Variants in ALKBH8 observed in about 807,000 individuals in gnomAD.
The protein encoded by ALKBH8 is tRNA (carboxymethyluridine(34)-5-O)-methyltransferase ALKBH8.
A neutral mutation model predicts 59.8 loss-of-function variants in ALKBH8; 36 were observed. That is an observed-to-expected ratio of 0.60 (90% CI 0.46 to 0.79). ALKBH8 has a LOEUF of 0.79. ALKBH8 is among the 30% of genes least tolerant of loss of function. The pLI, the probability that ALKBH8 is intolerant of heterozygous loss-of-function variation, is 0.00. For missense variants in ALKBH8, 768 were observed against 801.0 expected, an observed-to-expected ratio of 0.96 and a Z score of 0.50; for synonymous variants, 276 against 273.6, an observed-to-expected ratio of 1.01 and a Z score of -0.09.
At position 107,557,017 on chromosome 11, in the gene ALKBH8, C is replaced by A. The variant is rs78411969; in HGVS notation, c.130-14G>T. 1.4e-3 allele frequency: 2,165 copies of A among 1,504,030 alleles called. 18 individuals carry two copies. In the African/African-American group the frequency reaches 0.021, roughly 15 times the overall value. 93.2% of individuals were successfully genotyped at this position (1,504,030 alleles called of 1,614,324 possible). ...AACAACCAGGCTCTTAAAAAACAAA[C>A]AAACAAACAAAAAGAAAGTAACATG... On this transcript the variant is annotated splice_polypyrimidine_tract_variant and intron_variant, in intron 2 of 11. Transcript: ENST00000428149.
chr11:107,538,874 TA>T (rs1451601507), intron 7 of ALKBH8, among the ~76,000 whole-genome samples: 18 of 152,288 alleles, frequency 1.2e-4, no homozygotes, highest in African/African-American at 4.1e-4. Context: ...CCCTAAAGAA[TA>T]GCTGGACAGG....
intron 7 of ALKBH8, among the ~76,000 whole-genome samples, chr11:107,535,826 G>A (rs80276800): frequency 0.028 from 4,184 of 152,092 alleles, 174 homozygotes; most frequent in African/African-American, 0.092. Flanking sequence ...AGCACTTTAT[G>A]TCTACCACTG....
At chr11:107,519,090 C>T (rs944143214) in intron 10 of ALKBH8, among the ~76,000 whole-genome samples, 8 of 152,140 alleles carry the variant, frequency 5.3e-5, no homozygotes, top group Admixed American at 5.2e-4. Context: ...CTGTACCCTG[C>T]TGGTTATATT....
chr11:107,540,935 G>A (rs111394379), intron 7 of ALKBH8, among the ~76,000 whole-genome samples: 1 of 152,038 alleles, frequency 6.6e-6, no homozygotes, highest in African/African-American at 2.4e-5. Flanking sequence ...TTACAAATAG[G>A]GTGGTGTATA....
At chr11:107,527,003 T>A (rs888548798) in intron 8 of ALKBH8, among the ~76,000 whole-genome samples, 19 of 151,924 alleles carry the variant, frequency 1.3e-4, no homozygotes, top group Non-Finnish European at 2.5e-4. Flanking sequence ...GCAGAATAAA[T>A]CCCCTAACAT....
chr11:107,559,142 T>C (rs1229820893), intron 2 of ALKBH8, among the ~76,000 whole-genome samples: 2 of 152,218 alleles, frequency 1.3e-5, no homozygotes, highest in African/African-American at 4.8e-5. Context: ...TGCCGCCATG[T>C]AAGCCAGGAC....
chr11:107,516,515 T>C (rs1302523319), intron 10 of ALKBH8, among the ~76,000 whole-genome samples: 1 of 152,118 alleles, frequency 6.6e-6, no homozygotes. Flanking sequence ...GAAGAAAACA[T>C]ACAAGAAAAG....
intron 2 of ALKBH8, among the ~76,000 whole-genome samples, chr11:107,559,191 C>T (rs750324143): frequency 2.0e-5 from 3 of 152,150 alleles, no homozygotes; most frequent in African/African-American, 4.8e-5. Context: ...TCCCCGGCCA[C>T]GTGGAACTGT....
Sources: gnomAD v4.1 joint callset for allele counts (sites outside exome capture counted in the v4.1 genomes callset) on GRCh38, gnomAD v4.1.1 for gene constraint, MANE v1.5 for transcripts, NCBI Gene and HGNC (gene_info 2026-07-23, HGNC 2026-07-21) for gene names.